The following TACC2 variants were observed in gnomAD, a reference collection of about 807,000 sequenced individuals.
TACC2 encodes transforming acidic coiled-coil-containing protein 2.
TACC2 carries 137 observed loss-of-function variants against 227.3 expected under a neutral mutation model. That is an observed-to-expected ratio of 0.60 (90% CI 0.52 to 0.69). TACC2 has a LOEUF of 0.69. TACC2 is among the 30% of genes least tolerant of loss of function. The probability of loss-of-function intolerance (pLI) is 0.00; values close to 1 mark genes in which losing one functional copy is unlikely to be tolerated. For missense variants in TACC2, 3,470 were observed against 3,694.4 expected (o/e 0.94, Z 1.57); for synonymous variants, 1,523 against 1,487.5 (o/e 1.02, Z -0.55).
chr10:122,004,413 A>T (rs1590928329), intron 1 of TACC2, among the ~76,000 whole-genome samples: 1 of 151,760 alleles, frequency 6.6e-6, no homozygotes, highest in African/African-American at 2.4e-5. Flanking sequence ...AAAAAAAAAA[A>T]ATTACACTCG....
chr10:122,158,306 T>G (rs1171811111), intron 7 of TACC2, among the ~76,000 whole-genome samples: 1 of 152,004 alleles, frequency 6.6e-6, no homozygotes, highest in Non-Finnish European at 1.5e-5. Flanking sequence ...GGAGAATTGC[T>G]TGAACCCAGG....
At chr10:122,251,311 A>G (rs74960045) in intron 22 of TACC2, among the ~76,000 whole-genome samples, 2,440 of 152,274 alleles carry the variant, frequency 0.016, 59 homozygotes, top group African/African-American at 0.055. Flanking sequence ...TGGAATATGC[A>G]TATGTTCAAC....
chr10:122,140,310 C>T (rs1279394604), intron 6 of TACC2, among the ~76,000 whole-genome samples: 1 of 152,176 alleles, frequency 6.6e-6, no homozygotes, highest in Non-Finnish European at 1.5e-5. Context: ...CTGCTGAAAG[C>T]GTGGTGGTTT....
At chr10:122,054,958 G>A (rs1412336883) in intron 3 of TACC2, among the ~76,000 whole-genome samples, 2 of 152,138 alleles carry the variant, frequency 1.3e-5, no homozygotes, top group African/African-American at 4.8e-5. Flanking sequence ...GGTGGCTCAC[G>A]TCTGTAATCC....
chr10:122,164,117 C>G, intron 7 of TACC2: 1 of 1,200,180 alleles, frequency 8.3e-7, no homozygotes, highest in Non-Finnish European at 1.2e-6. Flanking sequence ...GGGTTCTTCG[C>G]AGCCTTGGAA....
chr10:122,062,025 CTTTTTTTT>C (rs140523380), intron 3 of TACC2, among the ~76,000 whole-genome samples: 6 of 63,966 alleles, frequency 9.4e-5, no homozygotes, highest in African/African-American at 3.1e-4. Context: ...GTCAGAGCGG[CTTTTTTTT>C]TTTTTTTTTT....
chr10:122,182,835 G>C (rs990329935), intron 7 of TACC2, among the ~76,000 whole-genome samples: 2 of 152,188 alleles, frequency 1.3e-5, no homozygotes, highest in Non-Finnish European at 2.9e-5. Context: ...CTCAGGCGCA[G>C]GTAGAGTCAG....
chr10:122,229,253 C>A, intron 14 of TACC2, 93 bp from the exon 15 acceptor site: 1 of 1,492,810 alleles, frequency 6.7e-7, no homozygotes, highest in Non-Finnish European at 9.2e-7. Flanking sequence ...CAAAAATGTC[C>A]AGCAAATGGC....
At chr10:122,215,754 T>G (rs2141119937) in intron 10 of TACC2, among the ~76,000 whole-genome samples, 1 of 152,286 alleles carries the variant, frequency 6.6e-6, no homozygotes, top group South Asian at 2.1e-4. Context: ...ACTGTCGAGA[T>G]GAGAAAGTCT....
In TACC2 at chr10:122,150,113, CCTT is replaced by C. The variant is rs2091883343; in HGVS notation, c.5834+6410_5834+6412del. 6.6e-6 allele frequency among the ~76,000 whole-genome samples: 1 copy of C among 152,166 alleles called. No individual in the cohort carries two copies. ...GGCCCAGGTCTGCAGTTCTTTTCCT[CCTT>C]CTGGGAGGGGAGGGGAAGGAGAGCC... On this transcript the variant is annotated intron_variant, in intron 7 of 22. Transcript: ENST00000369005. This position sits in a 1 kb window ranked among gnomAD's most constrained non-coding sequence, Gnocchi z 4.0.
At chr10:122,164,120 C>A in intron 7 of TACC2, 1 of 1,142,610 alleles carries the variant, frequency 8.8e-7, no homozygotes, top group Non-Finnish European at 1.3e-6. Context: ...TTCTTCGCAG[C>A]CTTGGAAAGC....
intron 8 of TACC2, among the ~76,000 whole-genome samples, chr10:122,208,087 C>T (rs1434111958): frequency 6.6e-6 from 1 of 152,064 alleles, no homozygotes; most frequent in Non-Finnish European, 1.5e-5. Flanking sequence ...TAGAAAGAAG[C>T]GAGGCAACAC....
rs1399066665 is a variant in TACC2 at position 122,085,418 on chromosome 10, C to G, written c.2918C>G (p.Ser973Cys). The G allele has an allele frequency of 1.2e-6, 2 of 1,613,936 alleles. No individual in the cohort carries two copies. Among genetic ancestry groups the G allele is most frequent in the Non-Finnish European group, 8.5e-7 (1 of 1,180,054 alleles). ...PPAADVLKDF[S>C]LAGNFSRKET... is the part of the protein sequence containing the mutation. The stretch of plus-strand genomic sequence containing the variant: ...GCAGCAGATGTCTTAAAAGACTTTT[C>G]TCTTGCAGGGAACTTCAGCAGAAAG... Residue 973 changes from serine (S) to cysteine (C), a missense_variant, in exon 4 of 23, where the codon TCT (serine) becomes TGT (cysteine). Ser to Cys is a moderately radical substitution (Grantham distance 112). This residue lies in a region of TACC2 where 1,924 missense variants were observed against 1,978.3 expected (regional missense o/e 0.97). Coordinates refer to ENST00000369005, the MANE Select transcript of TACC2 (RefSeq NM_206862.4).
At chr10:122,223,243 C>A (rs932528622) in intron 11 of TACC2, among the ~76,000 whole-genome samples, 1 of 151,778 alleles carries the variant, frequency 6.6e-6, no homozygotes, top group African/African-American at 2.4e-5. Context: ...ATGGGGTTGG[C>A]CAGGTTGTTC....
chr10:122,058,484 C>T (rs550196052), intron 3 of TACC2, among the ~76,000 whole-genome samples: 6 of 152,334 alleles, frequency 3.9e-5, no homozygotes, highest in Non-Finnish European at 8.8e-5. Flanking sequence ...TCTTGGCTCA[C>T]TGCAACCTCC....
rs756335605 is a variant in TACC2, at chr10:122,087,042, G to C, written c.4542G>C (p.Val1514=). The change falls in exon 4 of 23, where the codon GTG becomes GTC. Residue 1514 remains valine, a synonymous_variant. Transcript: ENST00000369005. ...TWERNLPGAG[V]GKEMAGVPPT... is the part of the protein sequence containing the mutation. ...AGCGGAACTTGCCAGGTGCCGGTGTGGGGAAGGAGATGGCAGGTGTCCCAC... is the reference window on the plus strand; with the variant it reads ...AGCGGAACTTGCCAGGTGCCGGTGTCGGGAAGGAGATGGCAGGTGTCCCAC... 1 of 1,613,792 alleles carries C rather than the reference G, an allele frequency of 6.2e-7. No individual in the cohort carries two copies. The highest frequency in any genetic ancestry group is 8.5e-7 in the Non-Finnish European group (1 of 1,179,978).
At chr10:122,195,003 GC>G in intron 7 of TACC2, 36 bp from the exon 8 acceptor site, 1 of 1,571,276 alleles carries the variant, frequency 6.4e-7, no homozygotes, top group Non-Finnish European at 8.7e-7. Context: ...CTGGCTCTGG[GC>G]CCCTGTCTAA....
intron 5 of TACC2, among the ~76,000 whole-genome samples, chr10:122,112,853 C>T (rs1055609430): frequency 6.6e-5 from 10 of 152,058 alleles, no homozygotes; most frequent in African/African-American, 2.4e-4. Context: ...CCGCGGGCCC[C>T]TCGGTGCGTC....
intron 7 of TACC2, among the ~76,000 whole-genome samples, chr10:122,165,331 A>G (rs2093092208): frequency 6.6e-6 from 1 of 152,200 alleles, no homozygotes; most frequent in African/African-American, 2.4e-5. Context: ...AGTGACAGGC[A>G]CTGGCCAACT....
Sources: gnomAD v4.1 joint callset for allele counts (sites outside exome capture counted in the v4.1 genomes callset) on GRCh38, gnomAD v4.1.1 for gene constraint, gnomAD v4.1.1 regional missense constraint, Gnocchi (gnomAD v3.1) non-coding constraint, MANE v1.5 for transcripts, NCBI Gene and HGNC (gene_info 2026-07-23, HGNC 2026-07-21) for gene names.